Variants in CALB2 observed in about 807,000 individuals in gnomAD.
CALB2 encodes the protein calretinin.
CALB2 carries 34 observed loss-of-function variants against 45.9 expected under a neutral mutation model. The ratio of observed to expected loss-of-function variants is 0.74; its 90% CI spans 0.56 to 0.99. The LOEUF is 0.99. Among genes scored for constraint, CALB2 ranks in the 50% least tolerant of loss-of-function variants. The pLI is 0.00. For missense variants in CALB2, 344 were observed against 339.3 expected (o/e 1.01, Z -0.11); for synonymous variants, 142 against 129.6 (o/e 1.10, Z -0.65).
At chr16:71,378,680 T>G (rs2042445821) in intron 4 of CALB2, among the ~76,000 whole-genome samples, 1 of 152,234 alleles carries the variant, frequency 6.6e-6, no homozygotes, top group South Asian at 2.1e-4. Flanking sequence ...TTGGGTCAAG[T>G]ACGCTTGGGA....
chr16:71,374,659 G>T (rs1203686334), intron 2 of CALB2, 86 bp from the exon 3 acceptor site: 14 of 893,472 alleles, frequency 1.6e-5, no homozygotes, highest in Non-Finnish European at 2.6e-5. Context: ...TACCCAGGAT[G>T]CAAATGATTT....
At chr16:71,383,784 T>C (rs1361630589) in intron 6 of CALB2, among the ~76,000 whole-genome samples, 186 bp from the exon 7 acceptor site, 1 of 151,856 alleles carries the variant, frequency 6.6e-6, no homozygotes, top group Admixed American at 6.6e-5. Flanking sequence ...AGTGAACGAG[T>C]CCCTGTGGTC....
intron 1 of CALB2, among the ~76,000 whole-genome samples, chr16:71,366,268 A>G (rs1478229810): frequency 1.4e-5 from 2 of 139,488 alleles, no homozygotes; most frequent in African/African-American, 2.7e-5. Flanking sequence ...TCTGTGATCC[A>G]CCCACCTCAG....
intron 1 of CALB2, among the ~76,000 whole-genome samples, chr16:71,367,930 C>G (rs1007153404): frequency 1.3e-5 from 2 of 152,132 alleles, no homozygotes; most frequent in Non-Finnish European, 2.9e-5. Flanking sequence ...TCCTGGACCC[C>G]TTTCCCTGCC....
chr16:71,384,543 A>AACACACACAGACCACACACACCACAT (rs2042543401), intron 8 of CALB2, among the ~76,000 whole-genome samples, 165 bp downstream of exon 8: 1 of 124,722 alleles, frequency 8.0e-6, no homozygotes, highest in Non-Finnish European at 1.7e-5. Context: ...ACACACACAA[A>AACACACACAGACCACACACACCACAT]ACACACACAG....
intron 3 of CALB2, 97 bp downstream of exon 3, chr16:71,374,931 G>A (rs778381159): frequency 2.2e-5 from 18 of 816,696 alleles, no homozygotes; most frequent in Admixed American, 4.4e-5. Context: ...TTGGAGTGAG[G>A]TGGGGGCCTC....
chr16:71,375,756 C>T (rs934347363), intron 3 of CALB2, among the ~76,000 whole-genome samples: 1 of 152,214 alleles, frequency 6.6e-6, no homozygotes, highest in Non-Finnish European at 1.5e-5. Flanking sequence ...ACTGGAGCCT[C>T]GCCTTGGCTA....
chr16:71,380,017 A>C (rs970788082), intron 4 of CALB2, among the ~76,000 whole-genome samples: 1 of 152,098 alleles, frequency 6.6e-6, no homozygotes, highest in Non-Finnish European at 1.5e-5. Flanking sequence ...ATAACTTGTC[A>C]GGGTGTTGCT....
At position 71,382,773 on chromosome 16, in the gene CALB2, A is replaced by G; in HGVS notation, c.397A>G (p.Lys133Glu). ...TGGCTACATCGAAGCCAATGAGCTC[A>G]AGGTAGGATGGGCCTTGGGGAGGGT... ...RSGYIEANEL[K>E]GFLSDLLKKA... The change falls in exon 5 of 11, where the codon AAG becomes GAG. Residue 133 changes from lysine to glutamate, a missense_variant and splice_region_variant. Around this residue, in one of 3 missense-constraint regions of CALB2, gnomAD observed 263 missense variants for 241.7 expected, o/e 1.09. Coordinates refer to ENST00000302628, the MANE Select transcript of CALB2 (RefSeq NM_001740.5). 1 of 1,610,524 alleles carries G rather than the reference A, an allele frequency of 6.2e-7. No individual in the cohort carries two copies. Among genetic ancestry groups the G allele is most frequent in the Non-Finnish European group, 8.5e-7 (1 of 1,178,296 alleles).
At chr16:71,372,124 A>G in intron 1 of CALB2, 29 bp from the exon 2 acceptor site, 6 of 1,221,376 alleles carry the variant, frequency 4.9e-6, no homozygotes, top group Non-Finnish European at 5.8e-6. Flanking sequence ...TTTAGTGCTG[A>G]GATTGATTTT....
At chr16:71,378,235 A>G (rs571516627) in intron 4 of CALB2, among the ~76,000 whole-genome samples, 4 of 152,132 alleles carry the variant, frequency 2.6e-5, no homozygotes, top group Admixed American at 1.3e-4. Context: ...AAAAAAAGAA[A>G]GAAAGAAAGG....
chr16:71,377,177 T>C (rs2042426274), intron 3 of CALB2, among the ~76,000 whole-genome samples: 1 of 152,240 alleles, frequency 6.6e-6, no homozygotes, highest in Admixed American at 6.5e-5. Flanking sequence ...TCAATTTACA[T>C]GCAATAACTG....
chr16:71,365,201 G>A (rs1010727763), intron 1 of CALB2, among the ~76,000 whole-genome samples: 5 of 152,166 alleles, frequency 3.3e-5, no homozygotes, highest in Non-Finnish European at 5.9e-5. Context: ...ACCGACAAGC[G>A]GCCTGGCCTC....
Position 71,388,490 on chromosome 16 carries a change from G to A in CALB2, c.700-1259G>A, listed in dbSNP as rs960433075. 2.0e-5 allele frequency among the ~76,000 whole-genome samples: 3 copies of A among 152,228 alleles called. 1 individual carries two copies. The highest frequency in any genetic ancestry group is 3.8e-4 in the East Asian group (2 of 5,196). On this transcript the variant is annotated intron_variant, in intron 10 of 10. Coordinates refer to ENST00000302628, the MANE Select transcript of CALB2 (RefSeq NM_001740.5). ...TCAGACCCATTGGTTATTTGTATCC[G>A]AAGCAATCATTGTAAAGCATGTATT...
Position 71,390,229 on chromosome 16 carries a change from C to T in CALB2, c.*364C>T. On this transcript the variant is annotated 3_prime_UTR_variant, in exon 11 of 11. Coordinates refer to ENST00000302628, the MANE Select transcript of CALB2 (RefSeq NM_001740.5). ...CTCTCGCTCCCCTCTGCCGGTCCCC[C>T]ATGCCACCACCCACCCCAAACTTCC... 5.5e-6 allele frequency: 1 copy of T among 180,640 alleles called. No homozygotes were observed. The highest frequency in any genetic ancestry group is 1.2e-5 in the Non-Finnish European group (1 of 85,310). The allele number at this position is 180,640 out of a possible 1,614,324, so 11.2% of individuals were successfully genotyped here.
intron 1 of CALB2, among the ~76,000 whole-genome samples, chr16:71,368,993 G>C (rs1029402661): frequency 6.6e-6 from 1 of 152,074 alleles, no homozygotes; most frequent in East Asian, 1.9e-4. Context: ...ATGGCCCCTA[G>C]AGATCTGTAC....
chr16:71,378,622 A>G (rs367632854), intron 4 of CALB2, among the ~76,000 whole-genome samples: 1 of 152,226 alleles, frequency 6.6e-6, no homozygotes, highest in Non-Finnish European at 1.5e-5. Context: ...AGATCCCCAG[A>G]TGATGTGTAT....
At position 71,385,246 on chromosome 16, in the gene CALB2, G is replaced by A. The variant is rs114059112; in HGVS notation, c.628-331G>A. ...GGCTGTCCCCTGCCCACATGACTCCGGTGGTTTTCTTCATAACCAGTGTTG... is the reference window on the plus strand; with the variant it reads ...GGCTGTCCCCTGCCCACATGACTCCAGTGGTTTTCTTCATAACCAGTGTTG... On this transcript the variant is annotated intron_variant, in intron 9 of 10. Transcript: ENST00000302628. 3.7e-3 allele frequency: 1,222 copies of A among 334,734 alleles called. 23 individuals carry two copies. The highest frequency in any genetic ancestry group is 0.023 in the African/African-American group (1,111 of 48,706). The allele number at this position is 334,734 out of a possible 1,614,324, so 20.7% of individuals were successfully genotyped here.
In CALB2 at chr16:71,383,403, C is replaced by G; in HGVS notation, c.436C>G (p.Pro146Ala). The G allele has an allele frequency of 6.2e-7, 1 of 1,614,090 alleles. No homozygotes were observed. ...AGACCTGCTGAAGAAGGCGAACCGG[C>G]CGTACGATGAGCCCAAGCTCCAGGA... ...LSDLLKKANR[P>A]YDEPKLQEYT... The change falls in exon 6 of 11, where the codon CCG (proline) becomes GCG (alanine). Residue 146 changes from proline to alanine, a missense_variant. Transcript: ENST00000302628.
Sources: gnomAD v4.1 joint callset for allele counts (sites outside exome capture counted in the v4.1 genomes callset) on GRCh38, gnomAD v4.1.1 for gene constraint, gnomAD v4.1.1 regional missense constraint, MANE v1.5 for transcripts, NCBI Gene and HGNC (gene_info 2026-07-23, HGNC 2026-07-21) for gene names.